Variants in NRXN1 observed in about 807,000 individuals in gnomAD.
The protein encoded by NRXN1 is neurexin 1.
NRXN1 carries 39 observed loss-of-function variants against 150.9 expected under a neutral mutation model. The observed-to-expected ratio is 0.26, with a 90% confidence interval of 0.20 to 0.34. NRXN1 has a LOEUF of 0.34. NRXN1 is among the 10% of genes least tolerant of loss of function. The probability of loss-of-function intolerance (pLI) is 1.00; values close to 1 mark genes in which losing one functional copy is unlikely to be tolerated. For missense variants in NRXN1, 1,815 were observed against 1,949.9 expected, an observed-to-expected ratio of 0.93 and a Z score of 1.30; for synonymous variants, 924 against 757.0, an observed-to-expected ratio of 1.22 and a Z score of -3.62.
intron 21 of NRXN1, chr2:50,023,146 C>G (rs1334775110): frequency 6.6e-6 from 1 of 152,110 alleles, no homozygotes; most frequent in East Asian, 1.9e-4. Flanking sequence ...ATACTGGAAC[C>G]CATAAGAAAG....
intron 9 of NRXN1, among the ~76,000 whole-genome samples, chr2:50,551,085 A>G (rs1667439520): frequency 1.7e-5 from 2 of 114,544 alleles, no homozygotes; most frequent in Admixed American, 1.1e-4. Flanking sequence ...GAGGAGGAGG[A>G]GGAGGAGGAG....
At chr2:50,591,365 A>G (rs984248296) in intron 8 of NRXN1, among the ~76,000 whole-genome samples, 10 of 151,266 alleles carry the variant, frequency 6.6e-5, no homozygotes, top group African/African-American at 1.7e-4. Context: ...GGAAAATTCT[A>G]CCATACACTA....
At chr2:50,369,002 C>T (rs923367344) in intron 17 of NRXN1, among the ~76,000 whole-genome samples, 1 of 151,834 alleles carries the variant, frequency 6.6e-6, no homozygotes, top group African/African-American at 2.4e-5. Flanking sequence ...AGAGTAAATT[C>T]ACATGTAAGA....
chr2:50,296,551 C>T (rs941643633), intron 17 of NRXN1, among the ~76,000 whole-genome samples: 1 of 87,672 alleles, frequency 1.1e-5, no homozygotes, highest in South Asian at 4.5e-4. Flanking sequence ...ATTATTATTA[C>T]TTGAACTCCT....
At chr2:50,464,709 G>T (rs937562965) in intron 17 of NRXN1, among the ~76,000 whole-genome samples, 3 of 151,854 alleles carry the variant, frequency 2.0e-5, no homozygotes, top group Non-Finnish European at 2.9e-5. Context: ...GCAATGTTTT[G>T]TATGAAATTC....
At chr2:50,543,768 G>T (rs947979089) in intron 9 of NRXN1, among the ~76,000 whole-genome samples, 4 of 152,026 alleles carry the variant, frequency 2.6e-5, no homozygotes, top group African/African-American at 9.7e-5. Flanking sequence ...CATAAGATTA[G>T]TTTACAGGGT....
chr2:50,745,448 A>G (rs1187553555), intron 5 of NRXN1, among the ~76,000 whole-genome samples: 1 of 138,490 alleles, frequency 7.2e-6, no homozygotes, highest in Non-Finnish European at 1.5e-5. Context: ...TGAGAAAACC[A>G]AATCTAACAT....
intron 21 of NRXN1, among the ~76,000 whole-genome samples, chr2:49,984,718 A>ACACACACAC (rs1680601343): frequency 6.1e-5 from 9 of 146,844 alleles, no homozygotes; most frequent in African/African-American, 2.3e-4. Flanking sequence ...AGAACACACA[A>ACACACACAC]ACACACACAC....
Position 50,139,214 on chromosome 2 carries a change from T to C in NRXN1, c.3547-47720A>G, listed in dbSNP as rs866398327. On this transcript the variant is annotated intron_variant, in intron 18 of 22. Transcript: ENST00000401669. ...GGTGGCGTGTGCCAGTAATCCCAGC[T>C]ACTTGGGAGGCCGAGACAGGAGAGT... Among the ~76,000 whole-genome samples, 25 of 151,408 alleles carry C rather than the reference T, an allele frequency of 1.7e-4. 1 individual carries two copies. In the South Asian group the frequency reaches 5.2e-3, roughly 31 times the overall value.
intron 17 of NRXN1, among the ~76,000 whole-genome samples, chr2:50,289,357 A>AC (rs1188919815): frequency 1.3e-5 from 2 of 149,148 alleles, no homozygotes; most frequent in Non-Finnish European, 3.0e-5. Context: ...AGCTGTGATT[A>AC]CCCCCATAAT....
chr2:50,704,146 T>C (rs1247623598), intron 5 of NRXN1, among the ~76,000 whole-genome samples: 1 of 152,012 alleles, frequency 6.6e-6, no homozygotes, highest in Non-Finnish European at 1.5e-5. Context: ...GTGGCCAATA[T>C]TATCTTTATT....
intron 18 of NRXN1, among the ~76,000 whole-genome samples, chr2:50,093,151 T>G (rs1699804465): frequency 6.6e-6 from 1 of 152,178 alleles, no homozygotes; most frequent in Non-Finnish European, 1.5e-5. Context: ...CATAAGTCTT[T>G]GAATAACGTT....
chr2:50,478,620 A>G (rs1346123505), intron 15 of NRXN1, among the ~76,000 whole-genome samples: 10 of 152,232 alleles, frequency 6.6e-5, no homozygotes, highest in Admixed American at 5.9e-4. Flanking sequence ...TAGCCTTACA[A>G]CAATCTATTT....
At chr2:50,919,945 T>C (rs1685754852) in intron 5 of NRXN1, 1 of 339,876 alleles carries the variant, frequency 2.9e-6, no homozygotes, top group Non-Finnish European at 6.6e-6. Flanking sequence ...GAACACTCTG[T>C]GGATGCCATG....
intron 5 of NRXN1, among the ~76,000 whole-genome samples, chr2:50,836,332 T>C (rs1458151740): frequency 6.6e-6 from 1 of 152,122 alleles, no homozygotes; most frequent in Non-Finnish European, 1.5e-5. Context: ...GGTAAAAACA[T>C]TTAAAATCTA....
intron 2 of NRXN1, among the ~76,000 whole-genome samples, chr2:50,974,869 TC>T (rs1399599487): frequency 6.6e-6 from 1 of 152,110 alleles, no homozygotes; most frequent in Non-Finnish European, 1.5e-5. Context: ...TAAAATTTGT[TC>T]CCTTACTATA....
chr2:50,105,878 C>A (rs1236263348), intron 18 of NRXN1, among the ~76,000 whole-genome samples: 2 of 151,678 alleles, frequency 1.3e-5, no homozygotes, highest in Middle Eastern at 3.2e-3. Context: ...TTAGAAGAAC[C>A]ATATAAACCA....
intron 5 of NRXN1, among the ~76,000 whole-genome samples, chr2:50,748,300 A>G (rs1056672910): frequency 6.6e-6 from 1 of 152,152 alleles, no homozygotes; most frequent in South Asian, 2.1e-4. Context: ...CACACTGCGC[A>G]GCACTGATAA....
chr2:49,945,854 A>C (rs1321706050), intron 21 of NRXN1, among the ~76,000 whole-genome samples: 1 of 152,162 alleles, frequency 6.6e-6, no homozygotes, highest in Non-Finnish European at 1.5e-5. Context: ...ATATACATGT[A>C]CATGTGTCTT....
Sources: gnomAD v4.1 joint callset for allele counts (sites outside exome capture counted in the v4.1 genomes callset) on GRCh38, gnomAD v4.1.1 for gene constraint, MANE v1.5 for transcripts, NCBI Gene and HGNC (gene_info 2026-07-23, HGNC 2026-07-21) for gene names.